PTPRU: variants seen among roughly 807,000 people sequenced by gnomAD.
PTPRU encodes the protein protein tyrosine phosphatase receptor type U, also known as receptor-type tyrosine-protein phosphatase U.
Under a neutral mutation model 166.3 loss-of-function variants are expected in PTPRU, and 69 were observed. The ratio of observed to expected loss-of-function variants is 0.41; its 90% CI spans 0.34 to 0.51. The LOEUF is 0.51. PTPRU is among the 20% of genes least tolerant of loss of function. The pLI, the probability that PTPRU is intolerant of heterozygous loss-of-function variation, is 0.09. For synonymous variants in PTPRU, 793 were observed against 814.0 expected (o/e 0.97, Z 0.44); for missense variants, 1,657 against 2,013.7 (o/e 0.82, Z 3.39).
chr1:29,261,753 A>C (rs545560097), intron 7 of PTPRU, among the ~76,000 whole-genome samples: 5 of 151,996 alleles, frequency 3.3e-5, no homozygotes, highest in Admixed American at 3.3e-4. Flanking sequence ...GGCTGGTCAC[A>C]AACTCCTGAC....
At chr1:29,268,111 T>C (rs997755095) in intron 7 of PTPRU, among the ~76,000 whole-genome samples, 3 of 152,208 alleles carry the variant, frequency 2.0e-5, no homozygotes, top group East Asian at 1.9e-4. Flanking sequence ...GTGGGTGTCA[T>C]AGATCAGGAG....
rs761522448 is a variant in PTPRU, at chr1:29,315,990, C to T, written c.3364-12C>T. Reference sequence around the variant, plus strand: ...GGCCCCTCCTCGGCCTCATTCTCATCTCCTGTTCCAGGAGCAGTACATCTT... The same window carrying T: ...GGCCCCTCCTCGGCCTCATTCTCATTTCCTGTTCCAGGAGCAGTACATCTT... On this transcript the variant is annotated splice_polypyrimidine_tract_variant and intron_variant, in intron 23 of 29. Transcript: ENST00000373779. This position sits in a 1 kb window ranked among gnomAD's most constrained non-coding sequence, Gnocchi z 4.5. 1.9e-6 allele frequency: 3 copies of T among 1,613,908 alleles called. No individual in the cohort carries two copies. The highest frequency in any genetic ancestry group is 1.7e-5 in the Admixed American group (1 of 60,012).
Position 29,260,202 on chromosome 1 carries a change from G to A in PTPRU, c.850+158G>A. The A allele has an allele frequency of 3.4e-6, 3 of 872,142 alleles. No individual in the cohort carries two copies. The highest frequency in any genetic ancestry group is 4.8e-6 in the Non-Finnish European group (3 of 629,072). The allele number at this position is 872,142 out of a possible 1,614,324, so 54.0% of individuals were successfully genotyped here. On this transcript the variant is annotated intron_variant, in intron 6 of 29. Transcript: ENST00000373779. This position sits in a 1 kb window ranked among gnomAD's most constrained non-coding sequence, Gnocchi z 8.3. The stretch of plus-strand genomic sequence containing the variant: ...AGATGGGCCTGTGGAAATGGCAGTG[G>A]CCCAGCCGGGATGAGATCTGATCTA...
chr1:29,313,841 C>A (rs548818720), intron 22 of PTPRU, among the ~76,000 whole-genome samples: 13 of 152,134 alleles, frequency 8.5e-5, no homozygotes, highest in African/African-American at 2.9e-4. Flanking sequence ...GGCAACAGAG[C>A]GAGACTCTGC....
Position 29,303,924 on chromosome 1 carries a change from G to GC in PTPRU, c.2548dup (p.Arg850ProfsTer40), listed in dbSNP as rs1217465879. 1 of 1,613,854 alleles carries GC rather than the reference G, an allele frequency of 6.2e-7. No individual in the cohort carries two copies. The highest frequency in any genetic ancestry group is 2.2e-5 in the East Asian group (1 of 44,880). ...GGGGGCTCCCCGAGGCGTCCCTGTG[G>GC]CCGGAAGGGCTCCCCATACCACACG... On this transcript the variant is annotated frameshift_variant, in exon 16 of 30. Transcript: ENST00000373779. LOFTEE classifies it high-confidence loss of function.
At position 29,284,853 on chromosome 1, in the gene PTPRU, GTCA is replaced by G; in HGVS notation, c.2308_2310del (p.Ile770del). 6.2e-7 allele frequency: 1 copy of G among 1,612,424 alleles called. No individual in the cohort carries two copies. Among genetic ancestry groups the G allele is most frequent in the Non-Finnish European group, 8.5e-7 (1 of 1,178,938 alleles). On this transcript the variant is annotated inframe_deletion, in exon 14 of 30. Coordinates refer to ENST00000373779, the MANE Select transcript of PTPRU (RefSeq NM_133178.4). ...CATCCTTCTCCTGGGTGCCATCATTGTCATCATCCGCAAAGGGTGAGTGAGGCC... is the reference window on the plus strand; with the variant it reads ...CATCCTTCTCCTGGGTGCCATCATTGTCATCCGCAAAGGGTGAGTGAGGCC...
Position 29,282,955 on chromosome 1 carries a change from G to A in PTPRU, c.2142+6G>A. ...CAGCAAGCCACCTGAAGGGGGTGAG[G>A]GACCGGCCAGGGTCATGGTGGGCGT... On this transcript the variant is annotated splice_donor_region_variant and intron_variant, in intron 12 of 29. Coordinates refer to ENST00000373779, the MANE Select transcript of PTPRU (RefSeq NM_133178.4). 6.2e-7 allele frequency: 1 copy of A among 1,611,686 alleles called. No individual in the cohort carries two copies. Among genetic ancestry groups the A allele is most frequent in the African/African-American group, 1.3e-5 (1 of 74,270 alleles).
rs866756027 is a variant in PTPRU at position 29,280,255 on chromosome 1, C to T, written c.1868+114C>T. The stretch of plus-strand genomic sequence containing the variant: ...ACCCTTTTCCTCCCTCAGTCTCCCA[C>T]GCAGGGCTTGGAGTGTCTGGAGGAG... On this transcript the variant is annotated intron_variant, in intron 11 of 29. Transcript: ENST00000373779. The surrounding 1 kb of genome is among the most constrained non-coding windows in gnomAD (Gnocchi z 4.2). The T allele has an allele frequency of 1.2e-5, 13 of 1,053,466 alleles. No homozygotes were observed. The highest frequency in any genetic ancestry group is 6.4e-5 in the African/African-American group (4 of 62,948). 65.3% of individuals were successfully genotyped at this position (1,053,466 alleles called of 1,614,324 possible). A position where few individuals can be genotyped will look rare whatever the true frequency, so the allele number is the denominator to read the frequency against.
At chr1:29,293,449 T>C (rs1367698365) in intron 15 of PTPRU, among the ~76,000 whole-genome samples, 3 of 151,316 alleles carry the variant, frequency 2.0e-5, no homozygotes, top group Non-Finnish European at 4.4e-5. Context: ...TGTTTATAAT[T>C]TTCCTACCTT....
chr1:29,238,363 C>G lies in PTPRU; in HGVS notation c.73+1646C>G, dbSNP rs574366883. Among the ~76,000 whole-genome samples, 1 of 152,050 alleles carries G rather than the reference C, an allele frequency of 6.6e-6. No homozygotes were observed. Among genetic ancestry groups the G allele is most frequent in the Non-Finnish European group, 1.5e-5 (1 of 67,984 alleles). ...CGGGGCCCTGCTCCGGGTGACCTCC[C>G]CCGCCCTCGCCACCGGCGGGGCTGC... is the stretch of plus-strand genomic sequence containing the variant. On this transcript the variant is annotated intron_variant, in intron 1 of 29. Coordinates refer to ENST00000373779, the MANE Select transcript of PTPRU (RefSeq NM_133178.4). The surrounding 1 kb of genome is among the most constrained non-coding windows in gnomAD (Gnocchi z 6.1).
At position 29,238,386 on chromosome 1, in the gene PTPRU, T is replaced by G. The variant is rs1683883087; in HGVS notation, c.73+1669T>G. 6.6e-6 allele frequency among the ~76,000 whole-genome samples: 1 copy of G among 151,880 alleles called. No individual in the cohort carries two copies. Among genetic ancestry groups the G allele is most frequent in the Non-Finnish European group, 1.5e-5 (1 of 67,926 alleles). On this transcript the variant is annotated intron_variant, in intron 1 of 29. Transcript: ENST00000373779. This position sits in a 1 kb window ranked among gnomAD's most constrained non-coding sequence, Gnocchi z 6.1. ...CCCCCGCCCTCGCCACCGGCGGGGC[T>G]GCTCCGCGGGCTCCGGGTAGCCGGG...
chr1:29,287,873 A>T (rs1686432866), intron 14 of PTPRU, among the ~76,000 whole-genome samples: 1 of 150,204 alleles, frequency 6.7e-6, no homozygotes, highest in Admixed American at 6.6e-5. Context: ...GAGTGCAGTG[A>T]TGCAGTCTTG....
chr1:29,259,200 C>T, intron 3 of PTPRU, 61 bp from the exon 4 acceptor site: 1 of 1,520,102 alleles, frequency 6.6e-7, no homozygotes. Context: ...TGAAAGTGGG[C>T]ACCTCCCCAG....
intron 26 of PTPRU, chr1:29,323,090 T>C (rs1352399701): frequency 2.6e-6 from 1 of 381,092 alleles, no homozygotes; most frequent in African/African-American, 2.0e-5. Flanking sequence ...AAGGTGTAGC[T>C]TTCTAGCTGC....
intron 14 of PTPRU, among the ~76,000 whole-genome samples, chr1:29,290,497 T>G (rs1385475642): frequency 6.6e-6 from 1 of 152,196 alleles, no homozygotes; most frequent in African/African-American, 2.4e-5. Context: ...CTGCAAGCCT[T>G]CTGGAACATT....
chr1:29,310,305 T>A (rs1687588470), intron 18 of PTPRU, among the ~76,000 whole-genome samples: 1 of 151,972 alleles, frequency 6.6e-6, no homozygotes. Context: ...TTATCCCAAG[T>A]GTGGGGGCTA....
intron 14 of PTPRU, chr1:29,289,756 G>T (rs1221059186): frequency 1.2e-6 from 2 of 1,606,364 alleles, no homozygotes; most frequent in Non-Finnish European, 8.5e-7. Context: ...CCCTGCCTAG[G>T]GGGAGATCCC....
Position 29,325,783 on chromosome 1 carries a change from T to G in PTPRU, c.*122T>G. On this transcript the variant is annotated 3_prime_UTR_variant, in exon 30 of 30. Coordinates refer to ENST00000373779, the MANE Select transcript of PTPRU (RefSeq NM_133178.4). ...CACTCCCATGGGGCAAGCACTGGAG[T>G]GGATGCTGGGCTATCTTGCTCCCCC... 1.8e-6 allele frequency: 2 copies of G among 1,108,858 alleles called. No homozygotes were observed. Among genetic ancestry groups the G allele is most frequent in the South Asian group, 3.2e-5 (2 of 63,358 alleles). 68.7% of individuals were successfully genotyped at this position (1,108,858 alleles called of 1,614,324 possible). A position where few individuals can be genotyped will look rare whatever the true frequency, so the allele number is the denominator to read the frequency against.
At chr1:29,297,353 C>T (rs1380991709) in intron 15 of PTPRU, among the ~76,000 whole-genome samples, 2 of 152,194 alleles carry the variant, frequency 1.3e-5, no homozygotes, top group African/African-American at 4.8e-5. Flanking sequence ...CCGCACCTGC[C>T]TGCTTAGTAG....
Sources: allele counts gnomAD v4.1 joint callset (sites outside exome capture counted in the v4.1 genomes callset), GRCh38; gene constraint gnomAD v4.1.1; non-coding constraint Gnocchi (gnomAD v3.1); transcripts MANE v1.5; gene names NCBI Gene and HGNC (gene_info 2026-07-23, HGNC 2026-07-21).